The following HNRNPA2B1 variants were observed in gnomAD, a reference collection of about 807,000 sequenced individuals.
HNRNPA2B1 encodes heterogeneous nuclear ribonucleoproteins A2/B1.
A neutral mutation model predicts 46.3 loss-of-function variants in HNRNPA2B1; 3 were observed. The ratio of observed to expected loss-of-function variants is 0.06; its 90% CI spans 0.03 to 0.17. HNRNPA2B1 has a LOEUF of 0.17. Ranked by LOEUF, HNRNPA2B1 falls within the 10% of genes least tolerant of loss-of-function variation. The probability of loss-of-function intolerance (pLI) is 1.00; values close to 1 mark genes in which losing one functional copy is unlikely to be tolerated. For synonymous variants in HNRNPA2B1, 225 were observed against 133.8 expected, an observed-to-expected ratio of 1.68 and a Z score of -4.70; for missense variants, 221 against 418.9, an observed-to-expected ratio of 0.53 and a Z score of 4.12.
At position 26,190,688 on chromosome 7, in the gene HNRNPA2B1, G is replaced by C. The variant is rs1782809255; in HGVS notation, c.*1672C>G. On this transcript the variant is annotated 3_prime_UTR_variant, in exon 11 of 11. Coordinates refer to ENST00000618183, the MANE Select transcript of HNRNPA2B1 (RefSeq NM_002137.4). ...AACTTTCTCTTCAGGGTAAGACACT[G>C]AACTAGAATTACCACATTTAACCCA... The C allele has an allele frequency of 6.6e-6, 1 of 152,150 alleles. No homozygotes were observed. Among genetic ancestry groups the C allele is most frequent in the East Asian group, 1.9e-4 (1 of 5,198 alleles). The allele number at this position is 152,150 out of a possible 1,614,324, so 9.4% of individuals were successfully genotyped here.
intron 9 of HNRNPA2B1, among the ~76,000 whole-genome samples, chr7:26,192,866 C>T (rs890496258): frequency 6.6e-6 from 1 of 152,142 alleles, no homozygotes; most frequent in Non-Finnish European, 1.5e-5. Context: ...CAAGACAAAG[C>T]TAGTTTACTC....
At position 26,195,568 on chromosome 7, in the gene HNRNPA2B1, G is replaced by GCA. The variant is rs1783483906; in HGVS notation, c.721+277_721+278dup. The GCA allele has an allele frequency of 1.1e-5, 4 of 359,260 alleles. No individual in the cohort carries two copies. In the South Asian group the frequency reaches 1.7e-4, roughly 15 times the overall value. 22.3% of individuals were successfully genotyped at this position (359,260 alleles called of 1,614,324 possible). A position where few individuals can be genotyped will look rare whatever the true frequency, so the allele number is the denominator to read the frequency against. ...CAGTATTCTGTACTTTTCCAGAGAA[G>GCA]CACGTACAAAGATATATCTAGATCC... On this transcript the variant is annotated intron_variant, in intron 7 of 10. Coordinates refer to ENST00000618183, the MANE Select transcript of HNRNPA2B1 (RefSeq NM_002137.4).
intron 1 of HNRNPA2B1, chr7:26,197,965 G>A (rs1004351315): frequency 8.8e-6 from 6 of 683,922 alleles, no homozygotes; most frequent in African/African-American, 3.7e-5. Context: ...ATCTACACAA[G>A]TTTCAAAGTC....
chr7:26,192,642 T>C (rs1783029722), intron 9 of HNRNPA2B1, 65 bp from the exon 10 acceptor site: 1 of 1,267,358 alleles, frequency 7.9e-7, no homozygotes, highest in Non-Finnish European at 1.2e-6. Flanking sequence ...AGCCTAACAC[T>C]ACAGTTGATT....
At chr7:26,195,496 A>T (rs1430166970) in intron 7 of HNRNPA2B1, among the ~76,000 whole-genome samples, 1 of 152,128 alleles carries the variant, frequency 6.6e-6, no homozygotes, top group Admixed American at 6.5e-5. Flanking sequence ...CATATTTCAT[A>T]TTTTTTCCTA....
chr7:26,197,060 C>T, intron 3 of HNRNPA2B1, 43 bp from the exon 4 acceptor site: 2 of 1,487,788 alleles, frequency 1.3e-6, no homozygotes, highest in African/African-American at 1.4e-5. Context: ...CAGAAAAAAA[C>T]ACAAGCATAA....
intron 7 of HNRNPA2B1, among the ~76,000 whole-genome samples, chr7:26,195,213 G>C (rs1223230760): frequency 2.7e-5 from 4 of 147,870 alleles, no homozygotes; most frequent in African/African-American, 1.0e-4. Flanking sequence ...ATAAAAAGTA[G>C]AACAGTGAGA....
rs903178880 is a variant in HNRNPA2B1, at chr7:26,197,339, C to T, written c.240G>A (p.Glu80=). Residue 80 remains glutamate, a synonymous_variant, in exon 3 of 11, where the codon GAG becomes GAA. Transcript: ENST00000618183. ...CCTCTCTTGCTACAGCACGTTTTGG[C>T]TCAACTACTCTCCCATCAATTGAAT... ...RPHSIDGRVV[E]PKRAVAREES... 2.2e-5 allele frequency: 35 copies of T among 1,613,058 alleles called. No homozygotes were observed. The highest frequency in any genetic ancestry group is 3.0e-5 in the Non-Finnish European group (35 of 1,179,428).
intron 6 of HNRNPA2B1, 34 bp from the exon 7 acceptor site, chr7:26,195,943 TA>T (rs765547771): frequency 2.3e-5 from 37 of 1,580,690 alleles, no homozygotes; most frequent in Non-Finnish European, 3.0e-5. Flanking sequence ...ACGTTTACTA[TA>T]AACTGTTCAG....
chr7:26,194,150 C>T (rs1783229807), intron 7 of HNRNPA2B1, among the ~76,000 whole-genome samples: 2 of 152,086 alleles, frequency 1.3e-5, no homozygotes, highest in Middle Eastern at 3.4e-3. Context: ...AATCCCAGCA[C>T]TTTGGGAAGG....
chr7:26,197,536 ACTATG>A, intron 2 of HNRNPA2B1, 75 bp from the exon 3 acceptor site: 1 of 1,569,050 alleles, frequency 6.4e-7, no homozygotes, highest in Non-Finnish European at 8.7e-7. Context: ...AGAATTTTTT[ACTATG>A]CTGATAGTTA....
chr7:26,199,809 T>C (rs1209615183), intron 1 of HNRNPA2B1: 1 of 152,190 alleles, frequency 6.6e-6, no homozygotes, highest in East Asian at 1.9e-4. Context: ...CGGCTCGCAT[T>C]GAACCCGGCC....
chr7:26,200,383 AGGGTGG>A, intron 1 of HNRNPA2B1, 183 bp downstream of exon 1: 2 of 668,474 alleles, frequency 3.0e-6, no homozygotes, highest in East Asian at 5.1e-5. Context: ...CGGGAGGCTG[AGGGTGG>A]GGAAGCTGTT....
Position 26,197,127 on chromosome 7 carries a change from G to A in HNRNPA2B1, c.265-110C>T, listed in dbSNP as rs146329231. 3.2e-4 allele frequency: 350 copies of A among 1,099,140 alleles called. 1 individual carries two copies. The African/African-American group carries it at 4.9e-3, about 15-fold the overall frequency. 68.1% of individuals were successfully genotyped at this position (1,099,140 alleles called of 1,614,324 possible). A position where few individuals can be genotyped will look rare whatever the true frequency, so the allele number is the denominator to read the frequency against. On this transcript the variant is annotated intron_variant, in intron 3 of 10. Transcript: ENST00000618183. ...GCTTGTATCCACCTTAAAACTACCA[G>A]ATATAAAATAGCTTTTAGGGACCTA...
intron 7 of HNRNPA2B1, among the ~76,000 whole-genome samples, chr7:26,194,030 A>G (rs4722589): frequency 6.6e-6 from 1 of 152,202 alleles, no homozygotes; most frequent in East Asian, 1.9e-4. Flanking sequence ...AGGGAAAGTA[A>G]AAGAGCACTT....
chr7:26,193,497 A>G, intron 8 of HNRNPA2B1, 78 bp downstream of exon 8: 1 of 1,542,348 alleles, frequency 6.5e-7, no homozygotes. Flanking sequence ...CTAGTGACAA[A>G]CATGGAAACA....
chr7:26,192,690 C>A, intron 9 of HNRNPA2B1, 113 bp from the exon 10 acceptor site: 2 of 865,568 alleles, frequency 2.3e-6, no homozygotes, highest in Non-Finnish European at 3.8e-6. Context: ...ACAAGCAGAT[C>A]CTAATCCTTT....
Position 26,193,152 on chromosome 7 carries a change from C to A in HNRNPA2B1, c.964+99G>T, listed in dbSNP as rs891842330. On this transcript the variant is annotated intron_variant, in intron 9 of 10. Transcript: ENST00000618183. Reference sequence around the variant, plus strand: ...CTAAGACCGTACATGGAGCACTGCCCACAGTACAAACTACTTAGTATGTTA... The same window carrying A: ...CTAAGACCGTACATGGAGCACTGCCAACAGTACAAACTACTTAGTATGTTA... The A allele has an allele frequency of 1.2e-5, 14 of 1,182,658 alleles. No homozygotes were observed. The Admixed American group carries it at 1.3e-4, about 11-fold the overall frequency. The allele number at this position is 1,182,658 out of a possible 1,614,324, so 73.3% of individuals were successfully genotyped here.
intron 9 of HNRNPA2B1, 106 bp downstream of exon 9, chr7:26,193,145 C>T (rs542371828): frequency 1.3e-5 from 14 of 1,074,312 alleles, no homozygotes; most frequent in Non-Finnish European, 1.8e-5. Flanking sequence ...GTACATGGAG[C>T]ACTGCCCACA....
Sources: allele counts gnomAD v4.1 joint callset (sites outside exome capture counted in the v4.1 genomes callset), GRCh38; gene constraint gnomAD v4.1.1; transcripts MANE v1.5; gene names NCBI Gene and HGNC (gene_info 2026-07-23, HGNC 2026-07-21).